Variants in DNAH7 observed in about 807,000 individuals in gnomAD.
DNAH7 encodes the protein dynein axonemal heavy chain 7, also known as axonemal beta dynein heavy chain 7.
A neutral mutation model predicts 444.6 loss-of-function variants in DNAH7; 397 were observed. That is an observed-to-expected ratio of 0.89 (90% confidence interval 0.82 to 0.97). The LOEUF (loss-of-function observed/expected upper bound fraction) is 0.97. DNAH7 is among the 50% of genes least tolerant of loss of function. DNAH7 has a pLI of 0.00. For synonymous variants in DNAH7, 1,636 were observed against 1,624.4 expected, an observed-to-expected ratio of 1.01 and a Z score of -0.17; for missense variants, 4,902 against 4,800.8, an observed-to-expected ratio of 1.02 and a Z score of -0.62.
At chr2:196,067,690 A>G (rs1698504573) in intron 1 of DNAH7, among the ~76,000 whole-genome samples, 2 of 152,210 alleles carry the variant, frequency 1.3e-5, no homozygotes, top group African/African-American at 4.8e-5. Context: ...AATGGATAGG[A>G]GACTAAATCC....
chr2:195,873,477 T>G (rs1377660022), intron 39 of DNAH7, 91 bp downstream of exon 39: 11 of 844,378 alleles, frequency 1.3e-5, no homozygotes, highest in Non-Finnish European at 1.8e-5. Flanking sequence ...AGGAATGCTT[T>G]TGTTCTTTGA....
At chr2:195,792,166 CAAAAA>C (rs34983984) in intron 57 of DNAH7, among the ~76,000 whole-genome samples, 50 of 54,480 alleles carry the variant, frequency 9.2e-4, no homozygotes, top group African/African-American at 4.1e-3. Context: ...GACCCTGTCT[CAAAAA>C]AAAAAAAAAA....
At chr2:196,004,403 A>T (rs927208700) in intron 10 of DNAH7, among the ~76,000 whole-genome samples, 2 of 152,250 alleles carry the variant, frequency 1.3e-5, no homozygotes, top group Non-Finnish European at 2.9e-5. Context: ...GTCATAAAAT[A>T]AGTCTCAATA....
rs747892954 is a variant in DNAH7, at chr2:195,922,215, A to T, written c.3826-18T>A. On this transcript the variant is annotated intron_variant, in intron 23 of 64. Coordinates refer to ENST00000312428, the MANE Select transcript of DNAH7 (RefSeq NM_018897.3). ...TGATTTTCCTAGGATAAATCAAATA[A>T]AATGAAGTTAAACAATAAAATTGTA... 9 of 1,404,770 alleles carry T rather than the reference A, an allele frequency of 6.4e-6. No homozygotes were observed. Among genetic ancestry groups the T allele is most frequent in the African/African-American group, 2.8e-5 (2 of 70,614 alleles). The allele number at this position is 1,404,770 out of a possible 1,614,324, so 87.0% of individuals were successfully genotyped here.
chr2:195,818,610 C>T (rs1697328064), intron 49 of DNAH7, among the ~76,000 whole-genome samples: 1 of 152,136 alleles, frequency 6.6e-6, no homozygotes, highest in South Asian at 2.1e-4. Flanking sequence ...TTCGAAACGA[C>T]ACTTATTGAA....
chr2:195,861,721 T>G lies in DNAH7; in HGVS notation c.7732A>C (p.Arg2578=), dbSNP rs1477062317. 6.2e-7 allele frequency: 1 copy of G among 1,603,976 alleles called. No individual in the cohort carries two copies. Among genetic ancestry groups the G allele is most frequent in the Admixed American group, 1.7e-5 (1 of 59,088 alleles). Residue 2578 remains arginine, a synonymous_variant, in exon 42 of 65, where the codon AGA becomes CGA. Coordinates refer to ENST00000312428, the MANE Select transcript of DNAH7 (RefSeq NM_018897.3). ...STFKLLLEKK[R]SEVMKMKKRY... ...AATATGAAATTTGATTTTTACCTTC[T>G]TTTCTTTTCTAACAACAGTTTGAAG...
rs574299560 is a variant in DNAH7 at position 195,738,617 on chromosome 2, T to C, written c.11869-490A>G. On this transcript the variant is annotated intron_variant, in intron 64 of 64. Transcript: ENST00000312428. ...ATATATTATGCTGTTTAAAATATAA[T>C]TGCATTCCTTTATAACCACAATCTA... Among the ~76,000 whole-genome samples, 5 of 152,304 alleles carry C rather than the reference T, an allele frequency of 3.3e-5. No individual in the cohort carries two copies. In the East Asian group the frequency reaches 7.7e-4, roughly 24 times the overall value.
At chr2:195,747,179 C>G (rs2105892259) in intron 63 of DNAH7, among the ~76,000 whole-genome samples, 1 of 151,922 alleles carries the variant, frequency 6.6e-6, no homozygotes, top group South Asian at 2.1e-4. Context: ...CACCACCGAT[C>G]CCACAGAAAT....
At chr2:195,763,810 A>G (rs1291009114) in intron 61 of DNAH7, among the ~76,000 whole-genome samples, 1 of 152,002 alleles carries the variant, frequency 6.6e-6, no homozygotes, top group Non-Finnish European at 1.5e-5. Context: ...ACATTTAAAG[A>G]AGAATACCAA....
intron 59 of DNAH7, among the ~76,000 whole-genome samples, chr2:195,776,858 A>G (rs1695089549): frequency 6.7e-6 from 1 of 148,358 alleles, no homozygotes; most frequent in Non-Finnish European, 1.5e-5. Context: ...ACACACACAC[A>G]TGGCAAAGGG....
At chr2:195,784,987 C>T (rs1695545829) in intron 58 of DNAH7, among the ~76,000 whole-genome samples, 2 of 150,316 alleles carry the variant, frequency 1.3e-5, no homozygotes, top group African/African-American at 4.9e-5. Context: ...TCTCGGCTCA[C>T]TGCAAGCTCC....
At chr2:195,799,503 A>G in intron 54 of DNAH7, 31 bp from the exon 55 acceptor site, 2 of 1,502,200 alleles carry the variant, frequency 1.3e-6, no homozygotes, top group Non-Finnish European at 1.8e-6. Flanking sequence ...AGTTGGAAGA[A>G]TATTCAAAAT....
chr2:195,820,266 A>C (rs956785314), intron 49 of DNAH7, among the ~76,000 whole-genome samples: 1 of 151,750 alleles, frequency 6.6e-6, no homozygotes, highest in Admixed American at 6.6e-5. Context: ...GGACACAGGG[A>C]GGGGGACATC....
At chr2:195,850,297 A>AAG (rs772052937) in intron 46 of DNAH7, among the ~76,000 whole-genome samples, 12 of 150,874 alleles carry the variant, frequency 8.0e-5, no homozygotes, top group Middle Eastern at 3.4e-3. Flanking sequence ...AAAAAAAAAA[A>AAG]GGGGAGAGAG....
At position 195,756,128 on chromosome 2, in the gene DNAH7, C is replaced by A. The variant is rs1694059519; in HGVS notation, c.11586+5G>T. 1 of 1,593,176 alleles carries A rather than the reference C, an allele frequency of 6.3e-7. No individual in the cohort carries two copies. Among genetic ancestry groups the A allele is most frequent in the African/African-American group, 1.3e-5 (1 of 74,304 alleles). On this transcript the variant is annotated splice_donor_5th_base_variant and intron_variant, in intron 62 of 64. Transcript: ENST00000312428. Reference sequence around the variant, plus strand: ...AACAATATACGATCATTTAGACGAACTTACCTGCAAGAATTTTAGTCTTGC... The same window carrying A: ...AACAATATACGATCATTTAGACGAAATTACCTGCAAGAATTTTAGTCTTGC...
In DNAH7 at chr2:196,000,711, G is replaced by A. The variant is rs1187362713; in HGVS notation, c.1346C>T (p.Ser449Phe). 7 of 1,560,162 alleles carry A rather than the reference G, an allele frequency of 4.5e-6. No individual in the cohort carries two copies. The highest frequency in any genetic ancestry group is 6.1e-6 in the Non-Finnish European group (7 of 1,152,610). ...FVPRVETKLY[S>F]KWESKSKPTT... ...AATATCCTTGTTACTTACCCACTTG[G>A]AATACAATTTTGTCTCAACTCTTGG... is the stretch of plus-strand genomic sequence containing the variant. The change falls in exon 12 of 65, where the codon TCC becomes TTC. Residue 449 changes from serine (S) to phenylalanine (F), a missense_variant. Coordinates refer to ENST00000312428, the MANE Select transcript of DNAH7 (RefSeq NM_018897.3).
Position 195,960,875 on chromosome 2 carries a change from AT to A in DNAH7, c.2275del (p.Ile759SerfsTer5), listed in dbSNP as rs1691047282. On this transcript the variant is annotated frameshift_variant, in exon 18 of 65. Transcript: ENST00000312428. LOFTEE classifies it high-confidence loss of function. Reference protein sequence around the residue: ...LPSVYPQRKKIQDGLNPYLRL... With the variant: ...LPSVYPQRKKXQDGLNPYLRL... ...AAGATAAGGGTTCAAGCCATCTTGG[AT>A]TTTTTTACGTTGAGGATATACAGAT... 6.2e-7 allele frequency: 1 copy of A among 1,613,748 alleles called. No individual in the cohort carries two copies. The highest frequency in any genetic ancestry group is 8.5e-7 in the Non-Finnish European group (1 of 1,179,954).
intron 3 of DNAH7, among the ~76,000 whole-genome samples, chr2:196,049,659 A>C (rs560009946): frequency 2.0e-5 from 3 of 152,250 alleles, no homozygotes; most frequent in African/African-American, 7.2e-5. Context: ...CTTAAAACCC[A>C]TAAGACTCAA....
chr2:195,864,550 T>G lies in DNAH7; in HGVS notation c.7105A>C (p.Lys2369Gln), dbSNP rs747482229. 6.2e-7 allele frequency: 1 copy of G among 1,614,158 alleles called. No homozygotes were observed. Among genetic ancestry groups the G allele is most frequent in the South Asian group, 1.1e-5 (1 of 91,078 alleles). ...TGCCATTCAGTAGTATCATACCCCT[T>G]AGAGATTTCAACTTGGAAAACTGAA... The part of the protein sequence containing the change: ...DYSVFQVEIS[K>Q]GYDTTEWHED... The change falls in exon 41 of 65, where the codon AAG (lysine) becomes CAG (glutamine). Residue 2369 changes from lysine (K) to glutamine (Q), a missense_variant. Coordinates refer to ENST00000312428, the MANE Select transcript of DNAH7 (RefSeq NM_018897.3).
Sources: allele counts gnomAD v4.1 joint callset (sites outside exome capture counted in the v4.1 genomes callset), GRCh38; gene constraint gnomAD v4.1.1; transcripts MANE v1.5; gene names NCBI Gene and HGNC (gene_info 2026-07-23, HGNC 2026-07-21).